The following SLC35F1 variants were observed in gnomAD, a reference collection of about 807,000 sequenced individuals.
The protein encoded by SLC35F1 is solute carrier family 35 member F1.
A neutral mutation model predicts 48.7 loss-of-function variants in SLC35F1; 14 were observed. The ratio of observed to expected loss-of-function variants is 0.29; its 90% confidence interval spans 0.19 to 0.45. The LOEUF (loss-of-function observed/expected upper bound fraction) is 0.45, where lower values mean the gene tolerates loss of function less well. Among genes scored for constraint, SLC35F1 ranks in the 20% least tolerant of loss-of-function variants. The pLI is 1.00. For missense variants in SLC35F1, 404 were observed against 500.0 expected (o/e 0.81, Z 1.83); for synonymous variants, 190 against 202.2 (o/e 0.94, Z 0.51).
intron 2 of SLC35F1, among the ~76,000 whole-genome samples, chr6:118,234,477 G>A (rs981324361): frequency 3.3e-5 from 5 of 152,172 alleles, no homozygotes; most frequent in African/African-American, 4.8e-5. Flanking sequence ...ATGTGAGTGA[G>A]CTTGGAAGCA....
At chr6:117,933,916 GT>G (rs2114814341) in intron 1 of SLC35F1, among the ~76,000 whole-genome samples, 1 of 151,918 alleles carries the variant, frequency 6.6e-6, no homozygotes, top group South Asian at 2.1e-4. Context: ...CCCGACCTAT[GT>G]TTTGTTTCAA....
intron 1 of SLC35F1, among the ~76,000 whole-genome samples, chr6:117,959,541 A>G (rs75249064): frequency 0.014 from 2,144 of 152,292 alleles, 50 homozygotes; most frequent in African/African-American, 0.046. Context: ...AGCATCCAGA[A>G]ATAGACATGT....
chr6:117,986,237 A>G (rs1776846351), intron 1 of SLC35F1, among the ~76,000 whole-genome samples: 1 of 152,180 alleles, frequency 6.6e-6, no homozygotes, highest in Non-Finnish European at 1.5e-5. Flanking sequence ...TCTGGGGCCA[A>G]TGAGCTGTGG....
chr6:118,093,315 CA>C (rs920564957), intron 1 of SLC35F1, among the ~76,000 whole-genome samples: 27 of 144,812 alleles, frequency 1.9e-4, no homozygotes, highest in African/African-American at 3.0e-4. Flanking sequence ...GACTCCATCT[CA>C]AAAAAAAAAA....
At chr6:118,010,670 G>A (rs1294794797) in intron 1 of SLC35F1, among the ~76,000 whole-genome samples, 3 of 152,120 alleles carry the variant, frequency 2.0e-5, no homozygotes, top group Non-Finnish European at 2.9e-5. Context: ...ATGCTTCAGT[G>A]CTTTTATTAT....
intron 1 of SLC35F1, among the ~76,000 whole-genome samples, chr6:117,908,544 C>T (rs576446895): frequency 5.8e-4 from 88 of 152,096 alleles, no homozygotes; most frequent in Non-Finnish European, 8.1e-4. Context: ...AGGGTGTGAG[C>T]CGGCGGCGCC....
intron 2 of SLC35F1, among the ~76,000 whole-genome samples, chr6:118,173,594 G>A (rs1253752013): frequency 1.3e-5 from 2 of 152,114 alleles, no homozygotes; most frequent in African/African-American, 4.8e-5. Context: ...AGCTAAAAGC[G>A]ATCCTAAGTG....
chr6:118,212,965 A>G (rs922160562), intron 2 of SLC35F1, among the ~76,000 whole-genome samples: 1 of 152,238 alleles, frequency 6.6e-6, no homozygotes, highest in Non-Finnish European at 1.5e-5. Context: ...AATATTGTCT[A>G]TAAAAAGTTA....
Position 117,907,897 on chromosome 6 carries a change from C to G in SLC35F1, c.171C>G (p.Asn57Lys), listed in dbSNP as rs764475376. The G allele has an allele frequency of 2.1e-6, 3 of 1,395,816 alleles. No individual in the cohort carries two copies. The highest frequency in any genetic ancestry group is 1.8e-6 in the Non-Finnish European group (2 of 1,082,474). The allele number at this position is 1,395,816 out of a possible 1,614,324, so 86.5% of individuals were successfully genotyped here. A position where few individuals can be genotyped will look rare whatever the true frequency, so the allele number is the denominator to read the frequency against. The stretch of plus-strand genomic sequence containing the variant: ...GCCAGAGGATCCGCAAAGTGCTGAA[C>G]AGGTGAGCGGCGGCGCCGGGCGAGG... Reference protein sequence around the residue: ...GVRQRIRKVLNREMLISVALG... With the variant: ...GVRQRIRKVLKREMLISVALG... Residue 57 changes from asparagine (N) to lysine (K), a missense_variant and splice_region_variant, in exon 1 of 8, where the codon AAC becomes AAG. By Grantham distance (94) the Asn-to-Lys change is moderately conservative (BLOSUM62 0). Around this residue, in one of 2 missense-constraint regions of SLC35F1, gnomAD observed 98 missense variants for 81.0 expected, o/e 1.21. Coordinates refer to ENST00000360388, the MANE Select transcript of SLC35F1 (RefSeq NM_001029858.4).
intron 1 of SLC35F1, among the ~76,000 whole-genome samples, chr6:118,002,217 A>T (rs1436800198): frequency 1.3e-5 from 2 of 152,036 alleles, no homozygotes; most frequent in African/African-American, 4.8e-5. Context: ...TCCAACATTG[A>T]TAGACTGGAT....
chr6:118,070,591 C>T (rs1772688060), intron 1 of SLC35F1, among the ~76,000 whole-genome samples: 1 of 151,910 alleles, frequency 6.6e-6, no homozygotes, highest in East Asian at 1.9e-4. Flanking sequence ...ACATCCTACC[C>T]AGCAGCACCC....
chr6:118,031,338 T>C (rs1447259985), intron 1 of SLC35F1, among the ~76,000 whole-genome samples: 1 of 152,208 alleles, frequency 6.6e-6, no homozygotes, highest in Admixed American at 6.5e-5. Context: ...TCTACTGTGA[T>C]TTTAGCTAAT....
chr6:118,090,268 C>T (rs963311922), intron 1 of SLC35F1, among the ~76,000 whole-genome samples: 1 of 152,090 alleles, frequency 6.6e-6, no homozygotes, highest in Non-Finnish European at 1.5e-5. Flanking sequence ...GTCATTTAGT[C>T]CTAGAAATGG....
At chr6:118,284,424 C>T (rs1291237518) in intron 6 of SLC35F1, among the ~76,000 whole-genome samples, 1 of 151,910 alleles carries the variant, frequency 6.6e-6, no homozygotes, top group Non-Finnish European at 1.5e-5. Flanking sequence ...TGCTTGGGAC[C>T]CTGCAAAACA....
At chr6:118,302,242 T>A (rs1370567231) in intron 7 of SLC35F1, among the ~76,000 whole-genome samples, 2 of 152,128 alleles carry the variant, frequency 1.3e-5, no homozygotes, top group African/African-American at 2.4e-5. Context: ...TGAGCTAAGA[T>A]GTGTGAGAGA....
intron 2 of SLC35F1, among the ~76,000 whole-genome samples, chr6:118,230,786 C>A (rs112861451): frequency 0.025 from 3,784 of 152,136 alleles, 149 homozygotes; most frequent in African/African-American, 0.086. Flanking sequence ...GAGTTCAAGA[C>A]CACCTGGGCA....
chr6:118,002,214 T>C (rs369255969), intron 1 of SLC35F1, among the ~76,000 whole-genome samples: 70 of 151,444 alleles, frequency 4.6e-4, no homozygotes, highest in Admixed American at 3.3e-3. Context: ...ATGTCCAACA[T>C]TGATAGACTG....
At chr6:118,302,991 A>C (rs1776271996) in intron 7 of SLC35F1, among the ~76,000 whole-genome samples, 1 of 151,624 alleles carries the variant, frequency 6.6e-6, no homozygotes. Flanking sequence ...AAAAAAAAAA[A>C]AACATTAAAC....
Position 117,980,842 on chromosome 6 carries a change from C to G in SLC35F1, c.173+72943C>G, listed in dbSNP as rs189748894. 6.6e-5 allele frequency among the ~76,000 whole-genome samples: 10 copies of G among 152,080 alleles called. 1 individual carries two copies. The highest frequency in any genetic ancestry group is 6.6e-4 in the Admixed American group (10 of 15,258). On this transcript the variant is annotated intron_variant, in intron 1 of 7. Coordinates refer to ENST00000360388, the MANE Select transcript of SLC35F1 (RefSeq NM_001029858.4). Reference sequence around the variant, plus strand: ...AGTGGAGGAGTTCAACAGCTAGGCCCAGAGAGCATTTAAGGTAGTGGGAGG... The same window carrying G: ...AGTGGAGGAGTTCAACAGCTAGGCCGAGAGAGCATTTAAGGTAGTGGGAGG...
Sources: allele counts gnomAD v4.1 joint callset (sites outside exome capture counted in the v4.1 genomes callset), GRCh38; gene constraint gnomAD v4.1.1; regional missense constraint gnomAD v4.1.1; transcripts MANE v1.5; gene names NCBI Gene and HGNC (gene_info 2026-07-23, HGNC 2026-07-21).